The following IL1RAPL1 variants were observed in gnomAD, a reference collection of about 807,000 sequenced individuals.
The protein encoded by IL1RAPL1 is interleukin 1 receptor accessory protein like 1.
A neutral mutation model predicts 48.4 loss-of-function variants in IL1RAPL1; 3 were observed. The observed-to-expected ratio is 0.06, with a 90% confidence interval of 0.03 to 0.16. IL1RAPL1 has a LOEUF of 0.16. Among genes scored for constraint, IL1RAPL1 ranks in the 10% least tolerant of loss-of-function variants. IL1RAPL1 has a pLI of 1.00. For synonymous variants in IL1RAPL1, 185 were observed against 187.7 expected (o/e 0.99, Z 0.12); for missense variants, 349 against 530.6 (o/e 0.66, Z 3.36).
intron 6 of IL1RAPL1, among the ~76,000 whole-genome samples, chrX:29,743,384 G>A (rs1419051877): frequency 1.8e-5 from 2 of 109,439 alleles, no homozygotes; most frequent in Non-Finnish European, 3.8e-5. Flanking sequence ...ACAATGAAAA[G>A]CTTCTTAATC....
At chrX:29,928,349 A>G (rs1156933679) in intron 8 of IL1RAPL1, among the ~76,000 whole-genome samples, 6 of 111,877 alleles carry the variant, frequency 5.4e-5, no homozygotes, top group Non-Finnish European at 9.4e-5. Context: ...AGAGATTCCA[A>G]ACAAGATAGT....
intron 1 of IL1RAPL1, among the ~76,000 whole-genome samples, chrX:28,784,148 G>A (rs776899013): frequency 8.9e-6 from 1 of 112,078 alleles, no homozygotes; most frequent in African/African-American, 3.2e-5. Context: ...AGTAACTTAT[G>A]GTTGCAGAGT....
At chrX:29,526,458 G>C (rs1033956027) in intron 5 of IL1RAPL1, among the ~76,000 whole-genome samples, 7 of 111,685 alleles carry the variant, frequency 6.3e-5, no homozygotes, top group Admixed American at 1.9e-4. Flanking sequence ...TAGAAAAGAA[G>C]AAGTAAAATT....
At chrX:28,774,588 T>G (rs1256616056) in intron 1 of IL1RAPL1, among the ~76,000 whole-genome samples, 1 of 111,836 alleles carries the variant, frequency 8.9e-6, no homozygotes, top group Non-Finnish European at 1.9e-5. Flanking sequence ...GCTGGCTTCA[T>G]CAAAGTGAGT....
intron 5 of IL1RAPL1, among the ~76,000 whole-genome samples, chrX:29,522,478 C>T (rs1343164309): frequency 8.9e-6 from 1 of 112,104 alleles, no homozygotes; most frequent in South Asian, 3.7e-4. Flanking sequence ...TTCATTTAGA[C>T]TTGCAGTCTG....
At chrX:29,006,762 A>G (rs1925994734) in intron 2 of IL1RAPL1, among the ~76,000 whole-genome samples, 1 of 108,693 alleles carries the variant, frequency 9.2e-6, no homozygotes. Context: ...GAAGATATCT[A>G]GAATCTACTT....
intron 6 of IL1RAPL1, among the ~76,000 whole-genome samples, chrX:29,912,558 AAGG>A (rs1355985101): frequency 1.8e-5 from 2 of 112,133 alleles, no homozygotes; most frequent in African/African-American, 3.2e-5. Flanking sequence ...TCTATGGAGA[AAGG>A]AGAAGAGAAG....
intron 6 of IL1RAPL1, among the ~76,000 whole-genome samples, chrX:29,684,419 G>A (rs1926558996): frequency 9.0e-6 from 1 of 111,602 alleles, no homozygotes; most frequent in South Asian, 3.8e-4. Flanking sequence ...TAATACCTTC[G>A]TCACCTGCTG....
chrX:28,813,754 A>T lies in IL1RAPL1; in HGVS notation c.82+24329A>T, dbSNP rs189895952. 5.5e-3 allele frequency among the ~76,000 whole-genome samples: 613 copies of T among 110,804 alleles called. 3 individuals are homozygous for T. The highest frequency in any genetic ancestry group is 0.019 in the African/African-American group (578 of 30,582). On this transcript the variant is annotated intron_variant, in intron 2 of 10. Coordinates refer to ENST00000378993, the MANE Select transcript of IL1RAPL1 (RefSeq NM_014271.4). The stretch of plus-strand genomic sequence containing the variant: ...TAGGATTGTAATGTCTTCTTGGGAA[A>T]TTGGCCCCTTTATTAAGTAATATAC...
intron 5 of IL1RAPL1, among the ~76,000 whole-genome samples, chrX:29,585,023 C>T (rs1923109859): frequency 8.9e-6 from 1 of 112,281 alleles, no homozygotes; most frequent in African/African-American, 3.2e-5. Flanking sequence ...TTAATTTCCT[C>T]ATCTTCTTTT....
At chrX:29,215,202 T>A (rs966224647) in intron 2 of IL1RAPL1, among the ~76,000 whole-genome samples, 11 of 109,979 alleles carry the variant, frequency 1.0e-4, no homozygotes, top group African/African-American at 3.3e-4. Flanking sequence ...ACAAAAAAAA[T>A]TAGCTGGGTG....
chrX:29,253,512 A>G (rs1226205082), intron 2 of IL1RAPL1, among the ~76,000 whole-genome samples: 6 of 111,246 alleles, frequency 5.4e-5, no homozygotes, highest in Non-Finnish European at 1.1e-4. Flanking sequence ...TAACATATAT[A>G]TGTAGTGACA....
At chrX:29,688,292 A>G (rs6628465) in intron 6 of IL1RAPL1, among the ~76,000 whole-genome samples, 43,643 of 109,630 alleles carry the variant, frequency 0.4, 6,410 homozygotes, top group South Asian at 0.51. Context: ...TCCAAGGTCT[A>G]TGGCTGTCTA....
At chrX:29,122,407 T>TCACACACA (rs1457241280) in intron 2 of IL1RAPL1, among the ~76,000 whole-genome samples, 42 of 76,248 alleles carry the variant, frequency 5.5e-4, no homozygotes, top group Middle Eastern at 6.5e-3. Context: ...TCTCTCTCTC[T>TCACACACA]CTCACACACA....
At chrX:29,524,343 C>T (rs1362646967) in intron 5 of IL1RAPL1, among the ~76,000 whole-genome samples, 1 of 110,187 alleles carries the variant, frequency 9.1e-6, no homozygotes, top group Non-Finnish European at 1.9e-5. Flanking sequence ...TGTGTAGATA[C>T]ACACATACAT....
At chrX:29,626,077 A>G (rs1439884160) in intron 5 of IL1RAPL1, among the ~76,000 whole-genome samples, 1 of 112,330 alleles carries the variant, frequency 8.9e-6, no homozygotes, top group Admixed American at 9.5e-5. Context: ...AATTGTGCAT[A>G]AGGAAACAAT....
At chrX:29,774,515 C>T (rs978706377) in intron 6 of IL1RAPL1, among the ~76,000 whole-genome samples, 4 of 112,083 alleles carry the variant, frequency 3.6e-5, no homozygotes, top group African/African-American at 6.5e-5. Flanking sequence ...ATCATGTTAA[C>T]GTATCAATTG....
At chrX:29,642,850 C>T (rs936401531) in intron 5 of IL1RAPL1, among the ~76,000 whole-genome samples, 1 of 112,282 alleles carries the variant, frequency 8.9e-6, no homozygotes, top group African/African-American at 3.2e-5. Flanking sequence ...TCTGTGCAGT[C>T]ATGGAAATGT....
chrX:29,094,129 C>A (rs1398732440), intron 2 of IL1RAPL1, among the ~76,000 whole-genome samples: 1 of 112,003 alleles, frequency 8.9e-6, no homozygotes, highest in Admixed American at 9.5e-5. Context: ...AGTCTGGGTA[C>A]CCCTAAAAAA....
Sources: allele counts gnomAD v4.1 joint callset (sites outside exome capture counted in the v4.1 genomes callset), GRCh38; gene constraint gnomAD v4.1.1; transcripts MANE v1.5; gene names NCBI Gene and HGNC (gene_info 2026-07-23, HGNC 2026-07-21).